Variants in PARD3B observed in about 807,000 individuals in gnomAD.
PARD3B encodes par-3 family cell polarity regulator beta.
In PARD3B, 103 loss-of-function variants were observed where a neutral mutation model predicts 130.2. The observed-to-expected ratio is 0.79, with a 90% confidence interval of 0.67 to 0.93. PARD3B has a LOEUF of 0.93. Ranked by LOEUF, PARD3B falls within the 40% of genes least tolerant of loss-of-function variation. The pLI is 0.00. For missense variants in PARD3B, 1,609 were observed against 1,499.2 expected (o/e 1.07, Z -1.21); for synonymous variants, 583 against 553.2 (o/e 1.05, Z -0.76).
At chr2:204,861,256 T>C (rs1038482923) in intron 2 of PARD3B, among the ~76,000 whole-genome samples, 2 of 151,442 alleles carry the variant, frequency 1.3e-5, no homozygotes, top group Non-Finnish European at 2.9e-5. Flanking sequence ...TTAATTAATT[T>C]AGATGACTTT....
intron 2 of PARD3B, among the ~76,000 whole-genome samples, chr2:204,778,647 C>T (rs1178024423): frequency 6.6e-6 from 1 of 152,192 alleles, no homozygotes; most frequent in East Asian, 1.9e-4. Flanking sequence ...CCTCTCTCAT[C>T]ACCCACCAGT....
At chr2:204,964,671 G>C (rs187098651) in intron 2 of PARD3B, among the ~76,000 whole-genome samples, 3 of 152,152 alleles carry the variant, frequency 2.0e-5, no homozygotes, top group Non-Finnish European at 4.4e-5. Context: ...TATGTATGTA[G>C]AGTGTATCTA....
At chr2:205,372,040 T>C (rs1042916230) in intron 18 of PARD3B, among the ~76,000 whole-genome samples, 6 of 152,220 alleles carry the variant, frequency 3.9e-5, no homozygotes, top group African/African-American at 1.4e-4. Flanking sequence ...AAATACCACA[T>C]TTTATTTATC....
At chr2:205,004,338 T>G (rs1268721108) in intron 3 of PARD3B, among the ~76,000 whole-genome samples, 1 of 152,236 alleles carries the variant, frequency 6.6e-6, no homozygotes, top group Non-Finnish European at 1.5e-5. Context: ...TCCCTCTGAG[T>G]AAATGATTTG....
intron 2 of PARD3B, among the ~76,000 whole-genome samples, chr2:204,848,952 ATCTT>A (rs2044586728): frequency 1.3e-5 from 2 of 152,128 alleles, no homozygotes; most frequent in Non-Finnish European, 2.9e-5. Context: ...TTAAAAATCA[ATCTT>A]TAAGGTCCTT....
chr2:205,601,945 T>C lies in PARD3B; in HGVS notation c.3261-13511T>C, dbSNP rs1048378666. Reference sequence around the variant, plus strand: ...GGAGTGGTGAGAGGGGGCATCCTTGTCTTGTGCCAGTTTTCAAGGGGAATG... The same window carrying C: ...GGAGTGGTGAGAGGGGGCATCCTTGCCTTGTGCCAGTTTTCAAGGGGAATG... On this transcript the variant is annotated intron_variant, in intron 22 of 22. Transcript: ENST00000406610. Among the ~76,000 whole-genome samples the C allele has an allele frequency of 5.9e-5, 9 of 152,308 alleles. No individual in the cohort carries two copies. In the South Asian group the frequency reaches 1.9e-3, roughly 32 times the overall value.
intron 15 of PARD3B, among the ~76,000 whole-genome samples, chr2:205,226,533 T>A (rs1023970788): frequency 1.3e-5 from 2 of 152,182 alleles, no homozygotes; most frequent in African/African-American, 4.8e-5. Context: ...TGATTTTTTT[T>A]TATATGGTGA....
chr2:205,168,318 A>AGTGTGTGTGTGT (rs1429954131), intron 11 of PARD3B, among the ~76,000 whole-genome samples: 14 of 122,486 alleles, frequency 1.1e-4, no homozygotes, highest in African/African-American at 3.3e-4. Context: ...AGAGAGAGAG[A>AGTGTGTGTGTGT]GAGTGTGTGT....
chr2:205,275,487 A>G (rs970798206), intron 16 of PARD3B, among the ~76,000 whole-genome samples: 5 of 152,076 alleles, frequency 3.3e-5, no homozygotes, highest in Non-Finnish European at 5.9e-5. Flanking sequence ...TGGGGTCTTT[A>G]TTGTTTTTAA....
intron 3 of PARD3B, among the ~76,000 whole-genome samples, chr2:205,040,257 C>T (rs763498545): frequency 3.9e-5 from 6 of 152,194 alleles, no homozygotes; most frequent in South Asian, 4.1e-4. Context: ...CCACCACGCC[C>T]GGCTACTTCA....
rs774098457 is a variant in PARD3B at position 205,185,829 on chromosome 2, G to C, written c.1990G>C (p.Ala664Pro). The change falls in exon 14 of 23, where the codon GCT becomes CCT. Residue 664 changes from alanine (A) to proline (P), a missense_variant. Physicochemically the swap from Ala to Pro is conservative, Grantham distance 27. Coordinates refer to ENST00000406610, the MANE Select transcript of PARD3B (RefSeq NM_001302769.2). Reference sequence around the variant, plus strand: ...TCCACCTTCTCCAACACCACATTCTGCTCTGGGATTGGGCCTCGAAGATTA... The same window carrying C: ...TCCACCTTCTCCAACACCACATTCTCCTCTGGGATTGGGCCTCGAAGATTA... ...EVPPSPTPHS[A>P]LGLGLEDYSH... The C allele has an allele frequency of 5.0e-6, 8 of 1,613,922 alleles. No homozygotes were observed. The African/African-American group carries it at 1.1e-4, about 22-fold the overall frequency.
rs376697161 is a variant in PARD3B, at chr2:204,974,819, G to C, written c.394+9496G>C. On this transcript the variant is annotated intron_variant, in intron 3 of 22. Coordinates refer to ENST00000406610, the MANE Select transcript of PARD3B (RefSeq NM_001302769.2). ...ATCAGTATATCAAGTGTCAATGCCAGAGAAAATGGTGGCATGCCTGTCACT... is the reference window on the plus strand; with the variant it reads ...ATCAGTATATCAAGTGTCAATGCCACAGAAAATGGTGGCATGCCTGTCACT... 2.0e-5 allele frequency among the ~76,000 whole-genome samples: 3 copies of C among 152,330 alleles called. No individual in the cohort carries two copies. The South Asian group carries it at 6.2e-4, about 32-fold the overall frequency.
At chr2:204,910,261 C>T (rs1220742597) in intron 2 of PARD3B, among the ~76,000 whole-genome samples, 1 of 152,118 alleles carries the variant, frequency 6.6e-6, no homozygotes, top group Non-Finnish European at 1.5e-5. Context: ...TTTTGATTCT[C>T]TTCCTTGTGT....
At chr2:204,644,105 T>TCATCC (rs1200902658) in intron 1 of PARD3B, among the ~76,000 whole-genome samples, 1 of 152,206 alleles carries the variant, frequency 6.6e-6, no homozygotes, top group African/African-American at 2.4e-5. Context: ...GTAACACATC[T>TCATCC]CATCCCATCC....
chr2:205,237,247 G>A (rs561753049), intron 15 of PARD3B, among the ~76,000 whole-genome samples: 42 of 152,072 alleles, frequency 2.8e-4, no homozygotes, highest in African/African-American at 9.6e-4. Flanking sequence ...TTACAGGCCT[G>A]TACCACCACG....
intron 20 of PARD3B, among the ~76,000 whole-genome samples, chr2:205,469,195 T>C (rs1301794712): frequency 2.0e-5 from 3 of 152,152 alleles, no homozygotes; most frequent in African/African-American, 7.2e-5. Flanking sequence ...TCAATAAATA[T>C]GTATCGAATG....
chr2:205,072,768 A>G (rs931218735), intron 4 of PARD3B, among the ~76,000 whole-genome samples: 3 of 151,952 alleles, frequency 2.0e-5, no homozygotes, highest in Admixed American at 1.3e-4. Context: ...ACTACTTGCT[A>G]TGGCCATACT....
intron 16 of PARD3B, among the ~76,000 whole-genome samples, chr2:205,248,799 A>G (rs79604016): frequency 4.6e-5 from 7 of 150,742 alleles, no homozygotes; most frequent in Non-Finnish European, 8.9e-5. Context: ...AGTAGAGACA[A>G]GGTTTCACCA....
At position 205,446,335 on chromosome 2, in the gene PARD3B, G is replaced by A. The variant is rs978712974; in HGVS notation, c.3044+5663G>A. On this transcript the variant is annotated intron_variant, in intron 20 of 22. Coordinates refer to ENST00000406610, the MANE Select transcript of PARD3B (RefSeq NM_001302769.2). The surrounding 1 kb of genome is among the most constrained non-coding windows in gnomAD (Gnocchi z 4.4). Reference sequence around the variant, plus strand: ...GGAAGAACTCACTGAGGGTTTTAACGTGAGATATAATCCTGGAATTCAATA... The same window carrying A: ...GGAAGAACTCACTGAGGGTTTTAACATGAGATATAATCCTGGAATTCAATA... Among the ~76,000 whole-genome samples the A allele has an allele frequency of 2.0e-5, 3 of 152,130 alleles. No individual in the cohort carries two copies. Among genetic ancestry groups the A allele is most frequent in the Admixed American group, 6.5e-5 (1 of 15,282 alleles).
Sources: allele counts gnomAD v4.1 joint callset (sites outside exome capture counted in the v4.1 genomes callset), GRCh38; gene constraint gnomAD v4.1.1; non-coding constraint Gnocchi (gnomAD v3.1); transcripts MANE v1.5; gene names NCBI Gene and HGNC (gene_info 2026-07-23, HGNC 2026-07-21).